The following MED31 variants were observed in gnomAD, a reference collection of about 807,000 sequenced individuals.
The protein encoded by MED31 is mediator of RNA polymerase II transcription subunit 31.
In MED31, 11 loss-of-function variants were observed where a neutral mutation model predicts 22.0. The ratio of observed to expected loss-of-function variants is 0.50; its 90% CI spans 0.31 to 0.83. MED31 has a LOEUF of 0.83. Among genes scored for constraint, MED31 ranks in the 40% least tolerant of loss-of-function variants. The probability of loss-of-function intolerance (pLI) is 0.04; values close to 1 mark genes in which losing one functional copy is unlikely to be tolerated. For missense variants in MED31, 122 were observed against 155.3 expected (o/e 0.79, Z 1.14); for synonymous variants, 60 against 55.1 (o/e 1.09, Z -0.40).
rs573607981 is a variant in MED31, at chr17:6,643,721, T to C, written c.*746A>G. ...GTTTTCTCTTCTATAAACAAGGTTCTTAGAATAAAATGAGAATTCAAGGAA... is the reference window on the plus strand; with the variant it reads ...GTTTTCTCTTCTATAAACAAGGTTCCTAGAATAAAATGAGAATTCAAGGAA... On this transcript the variant is annotated 3_prime_UTR_variant, in exon 4 of 4. Transcript: ENST00000225728. 1 of 164,404 alleles carries C rather than the reference T, an allele frequency of 6.1e-6. No individual in the cohort carries two copies. Among genetic ancestry groups the C allele is most frequent in the East Asian group, 1.7e-4 (1 of 5,976 alleles). The allele number at this position is 164,404 out of a possible 1,614,324, so 10.2% of individuals were successfully genotyped here.
intron 3 of MED31, among the ~76,000 whole-genome samples, chr17:6,649,328 G>A (rs1972803318): frequency 6.6e-6 from 1 of 150,800 alleles, no homozygotes; most frequent in African/African-American, 2.5e-5. Flanking sequence ...CGACCTGAAT[G>A]GTAAATATAT....
rs564718843 is a variant in MED31, at chr17:6,648,969, T to C, written c.203+1013A>G. Among the ~76,000 whole-genome samples, 23 of 152,330 alleles carry C rather than the reference T, an allele frequency of 1.5e-4. 1 individual carries two copies. In the South Asian group the frequency reaches 4.8e-3, roughly 32 times the overall value. ...TACAATATTCGTTGAAGTCTACTTT[T>C]CTTAAAAGTCTGTTCTTTGGATTAT... On this transcript the variant is annotated intron_variant, in intron 3 of 3. Transcript: ENST00000225728.
At chr17:6,649,017 A>G (rs577676489) in intron 3 of MED31, among the ~76,000 whole-genome samples, 5 of 152,358 alleles carry the variant, frequency 3.3e-5, no homozygotes, top group Admixed American at 2.0e-4. Flanking sequence ...AAGCCAGAAA[A>G]GGTGCAAACG....
intron 3 of MED31, among the ~76,000 whole-genome samples, chr17:6,647,944 A>G (rs1442763656): frequency 6.6e-6 from 1 of 152,242 alleles, no homozygotes; most frequent in Non-Finnish European, 1.5e-5. Flanking sequence ...TCATACTCTG[A>G]TAGGCTACAA....
At chr17:6,648,073 T>C (rs145115364) in intron 3 of MED31, among the ~76,000 whole-genome samples, 1 of 152,338 alleles carries the variant, frequency 6.6e-6, no homozygotes, top group African/African-American at 2.4e-5. Context: ...AGGATTTTAG[T>C]TGACATAATG....
intron 3 of MED31, among the ~76,000 whole-genome samples, chr17:6,646,151 T>TA (rs761893767): frequency 2.0e-5 from 3 of 152,154 alleles, no homozygotes; most frequent in Non-Finnish European, 4.4e-5. Context: ...CTGCACTACA[T>TA]ACAGCACACC....
chr17:6,648,837 A>G (rs772738716), intron 3 of MED31, among the ~76,000 whole-genome samples: 2 of 152,250 alleles, frequency 1.3e-5, no homozygotes, highest in East Asian at 1.9e-4. Flanking sequence ...CACGGGCTCA[A>G]TGGAAACCTC....
Position 6,649,999 on chromosome 17 carries a change from T to G in MED31, c.186A>C (p.Glu62Asp), listed in dbSNP as rs1567603114. The change falls in exon 3 of 4, where the codon GAA (glutamate) becomes GAC (aspartate). Residue 62 changes from glutamate (E) to aspartate (D), a missense_variant. Physicochemically the swap from Glu to Asp is conservative, Grantham distance 45 (BLOSUM62 2). Coordinates refer to ENST00000225728, the MANE Select transcript of MED31 (RefSeq NM_016060.3). ...AAACTTACTTTAGATACTTGGCATATTCTGGGTCTTTCCAGTAAAGCAAGT... is the reference window on the plus strand; with the variant it reads ...AAACTTACTTTAGATACTTGGCATAGTCTGGGTCTTTCCAGTAAAGCAAGT... ...LKYLLYWKDP[E>D]YAKYLKYPQC... is the part of the protein sequence containing the mutation. 1 of 1,603,230 alleles carries G rather than the reference T, an allele frequency of 6.2e-7. No individual in the cohort carries two copies. The highest frequency in any genetic ancestry group is 1.7e-5 in the Admixed American group (1 of 57,624).
chr17:6,646,929 C>A (rs1972774893), intron 3 of MED31, among the ~76,000 whole-genome samples: 1 of 152,112 alleles, frequency 6.6e-6, no homozygotes, highest in Non-Finnish European at 1.5e-5. Flanking sequence ...CCCATTCGTT[C>A]TATTCTGAGA....
At chr17:6,651,439 G>A (rs1292679143) in intron 1 of MED31, 62 bp downstream of exon 1, 41 of 1,606,548 alleles carry the variant, frequency 2.6e-5, no homozygotes, top group Admixed American at 1.4e-4. Flanking sequence ...AGGCCACGGG[G>A]AAGAGGTCTG....
chr17:6,648,878 T>C (rs1456282421), intron 3 of MED31, among the ~76,000 whole-genome samples: 2 of 151,500 alleles, frequency 1.3e-5, no homozygotes, highest in Non-Finnish European at 2.9e-5. Context: ...CTCGGCAACG[T>C]TGTGGGTAAG....
rs1167555742 is a variant in MED31 at position 6,644,490 on chromosome 17, G to T, written c.373C>A (p.Gln125Lys). 6.2e-7 allele frequency: 1 copy of T among 1,603,952 alleles called. No homozygotes were observed. The highest frequency in any genetic ancestry group is 1.7e-5 in the Admixed American group (1 of 57,218). ...TTTCATTTTCCCGATGTGTTATTTTGCTGTTGCTGCTCTGCCAAGGCTTGC... is the reference window on the plus strand; with the variant it reads ...TTTCATTTTCCCGATGTGTTATTTTTCTGTTGCTGCTCTGCCAAGGCTTGC... Reference protein sequence around the residue: ...LQQALAEQQQQNNTSGK With the variant: ...LQQALAEQQQKNNTSGK The change falls in exon 4 of 4, where the codon CAA (glutamine) becomes AAA (lysine). Residue 125 changes from glutamine to lysine, a missense_variant. By Grantham distance (53) the Gln-to-Lys change is moderately conservative. Coordinates refer to ENST00000225728, the MANE Select transcript of MED31 (RefSeq NM_016060.3).
rs1597631236 is a variant in MED31 at position 6,644,009 on chromosome 17, T to G, written c.*458A>C. 3 of 399,374 alleles carry G rather than the reference T, an allele frequency of 7.5e-6. No homozygotes were observed. In the East Asian group the frequency reaches 1.1e-4, roughly 14 times the overall value. The allele number at this position is 399,374 out of a possible 1,614,324, so 24.7% of individuals were successfully genotyped here. On this transcript the variant is annotated 3_prime_UTR_variant, in exon 4 of 4. Coordinates refer to ENST00000225728, the MANE Select transcript of MED31 (RefSeq NM_016060.3). ...CTTTATGCAGTTCCTGTCCTATGAT[T>G]TAAAGAGGTCAGTGACTCCGCTACT...
At position 6,650,430 on chromosome 17, in the gene MED31, T is replaced by A. The variant is rs376595857; in HGVS notation, c.32A>T (p.Asp11Val). 9 of 1,613,922 alleles carry A rather than the reference T, an allele frequency of 5.6e-6. No individual in the cohort carries two copies. The African/African-American group carries it at 1.2e-4, about 22-fold the overall frequency. MAAAVAMETDDAGNRLRFQLE... is the reference protein window; with the variant it reads MAAAVAMETDVAGNRLRFQLE... ...CTGAAACCGAAGTCGATTTCCAGCATCATCTAGGAGACAAGACAGCAAAAA... is the reference window on the plus strand; with the variant it reads ...CTGAAACCGAAGTCGATTTCCAGCAACATCTAGGAGACAAGACAGCAAAAA... Residue 11 changes from aspartate (D) to valine (V), a missense_variant, in exon 2 of 4, where the codon GAT becomes GTT. Physicochemically the swap from Asp to Val is radical, Grantham distance 152. Transcript: ENST00000225728.
chr17:6,644,641 G>T lies in MED31; in HGVS notation c.222C>A (p.His74Gln), dbSNP rs779551238. The T allele has an allele frequency of 5.0e-6, 8 of 1,587,528 alleles. No homozygotes were observed. Among genetic ancestry groups the T allele is most frequent in the Non-Finnish European group, 6.8e-6 (8 of 1,169,548 alleles). ...GTTCATATTGGAGCAGCTCTAACAT[G>T]TGTAAACACTGAGGGTACCTGGGTT... ...AKYLKYPQCL[H>Q]MLELLQYEHF... The change falls in exon 4 of 4, where the codon CAC becomes CAA. Residue 74 changes from histidine to glutamine, a missense_variant. His to Gln is a conservative substitution (Grantham distance 24). Coordinates refer to ENST00000225728, the MANE Select transcript of MED31 (RefSeq NM_016060.3).
chr17:6,650,181 C>A, intron 2 of MED31, 103 bp from the exon 3 acceptor site: 2 of 1,258,572 alleles, frequency 1.6e-6, no homozygotes, highest in Non-Finnish European at 2.2e-6. Context: ...CCCCCACCAC[C>A]AACACACATT....
intron 2 of MED31, 78 bp downstream of exon 2, chr17:6,650,278 G>A: frequency 1.4e-6 from 2 of 1,424,674 alleles, no homozygotes; most frequent in Non-Finnish European, 2.0e-6. Context: ...TGTAAAAGTA[G>A]ATACTATTTT....
At chr17:6,650,244 T>C in intron 2 of MED31, 112 bp downstream of exon 2, 3 of 1,278,776 alleles carry the variant, frequency 2.3e-6, no homozygotes, top group Non-Finnish European at 3.4e-6. Context: ...CCAGCATAAG[T>C]GTAATGTCAT....
intron 3 of MED31, among the ~76,000 whole-genome samples, chr17:6,646,124 C>T (rs1033207193): frequency 4.6e-5 from 7 of 152,022 alleles, no homozygotes; most frequent in Admixed American, 6.6e-5. Flanking sequence ...ATGCAACATA[C>T]GGGCCTAGAC....
Sources: gnomAD v4.1 joint callset for allele counts (sites outside exome capture counted in the v4.1 genomes callset) on GRCh38, gnomAD v4.1.1 for gene constraint, MANE v1.5 for transcripts, NCBI Gene and HGNC (gene_info 2026-07-23, HGNC 2026-07-21) for gene names.